Variants in PRKN observed in about 807,000 individuals in gnomAD.
PRKN encodes parkin RBR E3 ubiquitin protein ligase.
A neutral mutation model predicts 59.5 loss-of-function variants in PRKN; 56 were observed. The ratio of observed to expected loss-of-function variants is 0.94; its 90% CI spans 0.76 to 1.18. The LOEUF (loss-of-function observed/expected upper bound fraction) is 1.18. Ranked by LOEUF, PRKN falls within the 50% of genes most tolerant of loss-of-function variation. The pLI is 0.00. For missense variants in PRKN, 657 were observed against 596.4 expected, an observed-to-expected ratio of 1.10 and a Z score of -1.06; for synonymous variants, 250 against 222.1, an observed-to-expected ratio of 1.13 and a Z score of -1.12.
At chr6:162,138,258 G>C (rs1178065731) in intron 4 of PRKN, among the ~76,000 whole-genome samples, 1 of 152,200 alleles carries the variant, frequency 6.6e-6, no homozygotes, top group African/African-American at 2.4e-5. Context: ...CCACCAGACA[G>C]AGTGGAGAGA....
chr6:162,668,188 C>G (rs1779176555), intron 1 of PRKN, among the ~76,000 whole-genome samples: 1 of 152,092 alleles, frequency 6.6e-6, no homozygotes, highest in African/African-American at 2.4e-5. Flanking sequence ...AGTATTTCAT[C>G]AAGATTTTCA....
intron 5 of PRKN, among the ~76,000 whole-genome samples, chr6:161,996,337 C>T (rs1331159079): frequency 6.6e-6 from 1 of 152,148 alleles, no homozygotes; most frequent in East Asian, 1.9e-4. Context: ...ACATTAATCC[C>T]ATTCTGGTTA....
At chr6:162,109,675 C>T (rs1239598072) in intron 4 of PRKN, among the ~76,000 whole-genome samples, 8 of 152,202 alleles carry the variant, frequency 5.3e-5, no homozygotes, top group African/African-American at 1.7e-4. Context: ...TATTTATAGT[C>T]TGATATATTA....
chr6:161,400,133 C>T lies in PRKN; in HGVS notation c.1084-13256G>A, dbSNP rs951692534. ...ACAGGGCTAGTGGCCACCATGCTGG[C>T]CACCACGCTGGACTGCGCAGGTCTA... On this transcript the variant is annotated intron_variant, in intron 9 of 11. Transcript: ENST00000366898. This position sits in a 1 kb window ranked among gnomAD's most constrained non-coding sequence, Gnocchi z 4.2. Among the ~76,000 whole-genome samples the T allele has an allele frequency of 6.6e-6, 1 of 152,036 alleles. No individual in the cohort carries two copies.
rs914901127 is a variant in PRKN, at chr6:161,363,654, C to T, written c.1168-3449G>A. On this transcript the variant is annotated intron_variant, in intron 10 of 11. Transcript: ENST00000366898. This position sits in a 1 kb window ranked among gnomAD's most constrained non-coding sequence, Gnocchi z 4.1. ...TTGGAGAGAGTGGCAAAAAAACACACAAATTATCTACAAAGAAGTTACAAT... is the reference window on the plus strand; with the variant it reads ...TTGGAGAGAGTGGCAAAAAAACACATAAATTATCTACAAAGAAGTTACAAT... Among the ~76,000 whole-genome samples, 1 of 152,096 alleles carries T rather than the reference C, an allele frequency of 6.6e-6. No homozygotes were observed. Among genetic ancestry groups the T allele is most frequent in the Non-Finnish European group, 1.5e-5 (1 of 68,012 alleles).
intron 1 of PRKN, among the ~76,000 whole-genome samples, chr6:162,565,137 GT>G: frequency 6.6e-6 from 1 of 152,250 alleles, no homozygotes; most frequent in African/African-American, 2.4e-5. Context: ...AAGGTATAGA[GT>G]TTTTATTAGT....
At chr6:162,273,766 T>C (rs900929506) in intron 2 of PRKN, among the ~76,000 whole-genome samples, 8 of 152,298 alleles carry the variant, frequency 5.3e-5, no homozygotes, top group East Asian at 1.9e-4. Context: ...TGCAGAATAA[T>C]GAGACCCATG....
rs141662593 is a variant in PRKN at position 161,671,901 on chromosome 6, A to C, written c.872-102485T>G. ...CTAGACACATTTTTTGGTCTCAGTCAGATTTAGTACAGACTAATATAAAGT... is the reference window on the plus strand; with the variant it reads ...CTAGACACATTTTTTGGTCTCAGTCCGATTTAGTACAGACTAATATAAAGT... On this transcript the variant is annotated intron_variant, in intron 7 of 11. Coordinates refer to ENST00000366898, the MANE Select transcript of PRKN (RefSeq NM_004562.3). Among the ~76,000 whole-genome samples the C allele has an allele frequency of 3.3e-5, 5 of 152,296 alleles. No homozygotes were observed. In the East Asian group the frequency reaches 7.7e-4, roughly 24 times the overall value.
At chr6:161,900,863 ATAAT>A (rs1777886381) in intron 6 of PRKN, among the ~76,000 whole-genome samples, 1 of 142,832 alleles carries the variant, frequency 7.0e-6, no homozygotes, top group South Asian at 2.1e-4. Flanking sequence ...TATATAATAT[ATAAT>A]ATACAATACA....
At chr6:162,583,080 C>T (rs902130663) in intron 1 of PRKN, among the ~76,000 whole-genome samples, 3 of 152,076 alleles carry the variant, frequency 2.0e-5, no homozygotes, top group African/African-American at 7.2e-5. Flanking sequence ...CCCCTTTGCC[C>T]CTGCCATTTG....
intron 2 of PRKN, among the ~76,000 whole-genome samples, chr6:162,309,009 A>G (rs1162888634): frequency 6.6e-6 from 1 of 152,162 alleles, no homozygotes; most frequent in South Asian, 2.1e-4. Context: ...TAATTTAGTC[A>G]GGTATCTTGA....
intron 4 of PRKN, among the ~76,000 whole-genome samples, chr6:162,078,872 ACTTAAT>A (rs1180613447): frequency 8.5e-5 from 5 of 58,890 alleles, no homozygotes; most frequent in South Asian, 5.2e-4. Context: ...AATAATTAAT[ACTTAAT>A]AATTAATAAA....
chr6:161,453,465 T>C (rs1789833525), intron 9 of PRKN, among the ~76,000 whole-genome samples: 1 of 152,200 alleles, frequency 6.6e-6, no homozygotes, highest in Non-Finnish European at 1.5e-5. Context: ...AGGTATGTTG[T>C]AGATGGGGTT....
intron 5 of PRKN, among the ~76,000 whole-genome samples, chr6:161,985,464 G>A (rs767746343): frequency 3.9e-5 from 6 of 152,076 alleles, no homozygotes; most frequent in Middle Eastern, 3.2e-3. Flanking sequence ...ACATATAAAC[G>A]AACATGTGTT....
intron 2 of PRKN, among the ~76,000 whole-genome samples, chr6:162,410,063 G>A (rs1403340688): frequency 6.6e-6 from 1 of 152,158 alleles, no homozygotes; most frequent in Non-Finnish European, 1.5e-5. Context: ...TAATAGATCA[G>A]CTGCACAATC....
chr6:161,396,521 C>T lies in PRKN; in HGVS notation c.1084-9644G>A, dbSNP rs1239622178. ...TCAAACATCGCCATTCATTAGTGGGCCCATTCAAATATTGCCATTAATTAG... is the reference window on the plus strand; with the variant it reads ...TCAAACATCGCCATTCATTAGTGGGTCCATTCAAATATTGCCATTAATTAG... On this transcript the variant is annotated intron_variant, in intron 9 of 11. Coordinates refer to ENST00000366898, the MANE Select transcript of PRKN (RefSeq NM_004562.3). This position sits in a 1 kb window ranked among gnomAD's most constrained non-coding sequence, Gnocchi z 5.4. Among the ~76,000 whole-genome samples, 1 of 152,086 alleles carries T rather than the reference C, an allele frequency of 6.6e-6. No individual in the cohort carries two copies. The highest frequency in any genetic ancestry group is 2.4e-5 in the African/African-American group (1 of 41,394).
intron 4 of PRKN, among the ~76,000 whole-genome samples, chr6:162,126,581 G>T (rs1781133056): frequency 1.3e-5 from 2 of 152,234 alleles, no homozygotes; most frequent in South Asian, 4.2e-4. Flanking sequence ...TTTTTAGCAA[G>T]GTTTCTCATT....
Position 162,481,396 on chromosome 6 carries a change from G to A in PRKN, c.8-37923C>T, listed in dbSNP as rs560678378. ...GAAACTGGTTGCTGATACATTTTAAGGTTTCTCTTAAAGTTAACTCACTTT... is the reference window on the plus strand; with the variant it reads ...GAAACTGGTTGCTGATACATTTTAAAGTTTCTCTTAAAGTTAACTCACTTT... On this transcript the variant is annotated intron_variant, in intron 1 of 11. Transcript: ENST00000366898. 5.9e-5 allele frequency among the ~76,000 whole-genome samples: 9 copies of A among 152,246 alleles called. No homozygotes were observed. The South Asian group carries it at 1.9e-3, about 32-fold the overall frequency.
chr6:162,386,898 T>C (rs796511383), intron 2 of PRKN, among the ~76,000 whole-genome samples: 2 of 152,308 alleles, frequency 1.3e-5, no homozygotes, highest in African/African-American at 2.4e-5. Context: ...CAAATAAATA[T>C]AGACTACGTC....
Sources: allele counts gnomAD v4.1 joint callset (sites outside exome capture counted in the v4.1 genomes callset), GRCh38; gene constraint gnomAD v4.1.1; non-coding constraint Gnocchi (gnomAD v3.1); transcripts MANE v1.5; gene names NCBI Gene and HGNC (gene_info 2026-07-23, HGNC 2026-07-21).